Variants in STIP1 observed in about 807,000 individuals in gnomAD.
STIP1 encodes the protein stress induced phosphoprotein 1.
STIP1 carries 16 observed loss-of-function variants against 77.4 expected under a neutral mutation model. The ratio of observed to expected loss-of-function variants is 0.21; its 90% CI spans 0.14 to 0.31. STIP1 has a LOEUF of 0.31. Among genes scored for constraint, STIP1 ranks in the 10% least tolerant of loss-of-function variants. STIP1 has a pLI of 1.00. For missense variants in STIP1, 524 were observed against 684.8 expected (o/e 0.77, Z 2.62); for synonymous variants, 258 against 246.6 (o/e 1.05, Z -0.44).
intron 10 of STIP1, among the ~76,000 whole-genome samples, chr11:64,200,798 G>C (rs1021956799): frequency 2.6e-5 from 4 of 151,962 alleles, no homozygotes; most frequent in Admixed American, 2.6e-4. Flanking sequence ...TGTGGTGTCT[G>C]TGTTTACTTT....
At chr11:64,199,274 G>A (rs892332703) in intron 8 of STIP1, among the ~76,000 whole-genome samples, 2 of 151,580 alleles carry the variant, frequency 1.3e-5, no homozygotes, top group African/African-American at 4.8e-5. Context: ...GGAGGCCGAG[G>A]TGGGCGGATC....
At chr11:64,202,591 C>A (rs1946231139) in intron 10 of STIP1, 2 of 433,260 alleles carry the variant, frequency 4.6e-6, no homozygotes, top group Non-Finnish European at 8.4e-6. Context: ...TTCCAAAGCT[C>A]TCAGGACCAA....
chr11:64,189,363 A>C (rs539842822), intron 1 of STIP1, among the ~76,000 whole-genome samples: 2 of 152,126 alleles, frequency 1.3e-5, no homozygotes, highest in East Asian at 3.9e-4. Context: ...CGTCTCAAAA[A>C]AAAAAAATAA....
chr11:64,200,589 TCGTG>T (rs1423159506), intron 10 of STIP1, among the ~76,000 whole-genome samples: 3 of 107,034 alleles, frequency 2.8e-5, no homozygotes, highest in Non-Finnish European at 5.7e-5. Context: ...ATCTAACTGG[TCGTG>T]TGTGTGTGTG....
chr11:64,189,451 T>C (rs1472319421), intron 1 of STIP1, among the ~76,000 whole-genome samples: 1 of 151,990 alleles, frequency 6.6e-6, no homozygotes, highest in Non-Finnish European at 1.5e-5. Flanking sequence ...TGCTTGAACC[T>C]GGCTGGTCGA....
At position 64,193,333 on chromosome 11, in the gene STIP1, A is replaced by G. The variant is rs765762020; in HGVS notation, c.219+46A>G. ...GGAGAGAGGCCCTTCAGACCCTTCC[A>G]GAAATGCCTTTTGGTGGCCTGAGGT... On this transcript the variant is annotated intron_variant, in intron 2 of 13. Transcript: ENST00000305218. 3.1e-6 allele frequency: 5 copies of G among 1,595,810 alleles called. No individual in the cohort carries two copies. The Admixed American group carries it at 8.4e-5, about 27-fold the overall frequency.
chr11:64,198,394 G>T (rs1946174702), intron 8 of STIP1, among the ~76,000 whole-genome samples: 1 of 152,004 alleles, frequency 6.6e-6, no homozygotes, highest in East Asian at 1.9e-4. Flanking sequence ...TGTATTTTTA[G>T]TAGAGATGGG....
Position 64,203,556 on chromosome 11 carries a change from T to C in STIP1, c.1493T>C (p.Ile498Thr). 6.2e-7 allele frequency: 1 copy of C among 1,614,100 alleles called. No individual in the cohort carries two copies. Among genetic ancestry groups the C allele is most frequent in the Non-Finnish European group, 8.5e-7 (1 of 1,180,036 alleles). The stretch of plus-strand genomic sequence containing the variant: ...ATGGCCGACCCTGAGGTGCAGCAGA[T>C]CATGAGTGACCCAGCCATGCGCCTT... Reference protein sequence around the residue: ...RAMADPEVQQIMSDPAMRLIL... With the variant: ...RAMADPEVQQTMSDPAMRLIL... Residue 498 changes from isoleucine to threonine, a missense_variant, in exon 13 of 14, where the codon ATC (isoleucine) becomes ACC (threonine). Physicochemically the swap from Ile to Thr is moderately conservative, Grantham distance 89. Coordinates refer to ENST00000305218, the MANE Select transcript of STIP1 (RefSeq NM_006819.3).
Position 64,203,607 on chromosome 11 carries a change from C to T in STIP1, c.1544C>T (p.Pro515Leu). ...RLILEQMQKDPQALSEHLKNP... is the reference protein window; with the variant it reads ...RLILEQMQKDLQALSEHLKNP... ...ATCCTGGAACAGATGCAGAAGGACC[C>T]CCAGGCACTCAGCGAGTACGTAGAG... The change falls in exon 13 of 14, where the codon CCC (proline) becomes CTC (leucine). Residue 515 changes from proline to leucine, a missense_variant. Pro to Leu is a moderately conservative substitution (Grantham distance 98, BLOSUM62 -3). Coordinates refer to ENST00000305218, the MANE Select transcript of STIP1 (RefSeq NM_006819.3). 1 of 1,614,212 alleles carries T rather than the reference C, an allele frequency of 6.2e-7. No individual in the cohort carries two copies. The highest frequency in any genetic ancestry group is 8.5e-7 in the Non-Finnish European group (1 of 1,180,040).
intron 1 of STIP1, among the ~76,000 whole-genome samples, chr11:64,190,827 T>G (rs952693165): frequency 6.6e-6 from 1 of 152,020 alleles, no homozygotes; most frequent in Non-Finnish European, 1.5e-5. Flanking sequence ...AGACACCATT[T>G]CTACCACAAA....
intron 10 of STIP1, among the ~76,000 whole-genome samples, chr11:64,201,690 A>G (rs1162109129): frequency 6.6e-6 from 1 of 152,100 alleles, no homozygotes; most frequent in African/African-American, 2.4e-5. Flanking sequence ...CATCATTTCT[A>G]CTAGTAGGAT....
chr11:64,187,616 C>T (rs940354772), intron 1 of STIP1, among the ~76,000 whole-genome samples: 1 of 152,114 alleles, frequency 6.6e-6, no homozygotes, highest in Non-Finnish European at 1.5e-5. Flanking sequence ...TTTTTGTGCC[C>T]ATATAATATT....
At chr11:64,200,423 C>A in intron 10 of STIP1, 130 bp downstream of exon 10, 1 of 1,411,910 alleles carries the variant, frequency 7.1e-7, no homozygotes, top group Non-Finnish European at 9.5e-7. Flanking sequence ...CTCTGTCCTG[C>A]CTCAGCCTCC....
At chr11:64,192,643 C>G (rs1045033006) in intron 1 of STIP1, among the ~76,000 whole-genome samples, 1 of 152,226 alleles carries the variant, frequency 6.6e-6, no homozygotes, top group Non-Finnish European at 1.5e-5. Flanking sequence ...GCCTTTGGGT[C>G]ACTGGAGCAT....
At chr11:64,199,762 A>C (rs929232811) in intron 8 of STIP1, among the ~76,000 whole-genome samples, 178 bp from the exon 9 acceptor site, 5 of 151,616 alleles carry the variant, frequency 3.3e-5, no homozygotes, top group Admixed American at 3.3e-4. Flanking sequence ...ACAGGGTTTC[A>C]CCATGTTAGC....
chr11:64,185,980 T>A (rs564900622), upstream of STIP1: 84 of 1,540,140 alleles, frequency 5.5e-5, no homozygotes, highest in Middle Eastern at 3.3e-4. Context: ...GATGGGTGGG[T>A]TTATAGAGGA....
intron 10 of STIP1, chr11:64,202,561 T>C (rs988257977): frequency 2.0e-5 from 7 of 350,258 alleles, no homozygotes; most frequent in Non-Finnish European, 3.7e-5. Context: ...TTTTGTTTTT[T>C]AGTCAGCAAT....
chr11:64,186,636 T>TGGGCCGG (rs1335131779), intron 1 of STIP1: 15 of 27,504 alleles, frequency 5.5e-4, no homozygotes, highest in African/African-American at 1.9e-3. Context: ...GGGGTGGAGG[T>TGGGCCGG]GGGCCGGGGG....
intron 1 of STIP1, 143 bp from the exon 2 acceptor site, chr11:64,192,935 A>G (rs1297566935): frequency 2.4e-6 from 2 of 818,426 alleles, no homozygotes; most frequent in Non-Finnish European, 1.9e-6. Context: ...GAGAAATTAA[A>G]TAAATGAACC....
Sources: gnomAD v4.1 joint callset for allele counts (sites outside exome capture counted in the v4.1 genomes callset) on GRCh38, gnomAD v4.1.1 for gene constraint, MANE v1.5 for transcripts, NCBI Gene and HGNC (gene_info 2026-07-23, HGNC 2026-07-21) for gene names.